Variants in NUP214 observed in about 807,000 individuals in gnomAD.
The protein encoded by NUP214 is nuclear pore complex protein Nup214.
NUP214 carries 79 observed loss-of-function variants against 196.2 expected under a neutral mutation model. The ratio of observed to expected loss-of-function variants is 0.40; its 90% CI spans 0.34 to 0.49. The LOEUF (loss-of-function observed/expected upper bound fraction) is 0.49. NUP214 is among the 20% of genes least tolerant of loss of function. NUP214 has a pLI of 0.58. For synonymous variants in NUP214, 1,020 were observed against 990.5 expected (o/e 1.03, Z -0.56); for missense variants, 2,468 against 2,539.0 (o/e 0.97, Z 0.60).
chr9:131,157,955 G>GTT (rs1156316074), intron 17 of NUP214, among the ~76,000 whole-genome samples: 1 of 152,160 alleles, frequency 6.6e-6, no homozygotes, highest in Non-Finnish European at 1.5e-5. Flanking sequence ...TCTAATTTTT[G>GTT]TATTTTTAGT....
intron 32 of NUP214, among the ~76,000 whole-genome samples, chr9:131,227,445 T>C (rs1306589478): frequency 6.6e-6 from 1 of 151,982 alleles, no homozygotes; most frequent in African/African-American, 2.4e-5. Flanking sequence ...TGTTTTTTCA[T>C]TGGGAAGTAA....
intron 32 of NUP214, 93 bp from the exon 33 acceptor site, chr9:131,228,067 T>G: frequency 7.9e-7 from 1 of 1,270,770 alleles, no homozygotes; most frequent in Non-Finnish European, 1.1e-6. Flanking sequence ...TTTCTTCCTA[T>G]TTTGATTTGG....
intron 32 of NUP214, among the ~76,000 whole-genome samples, chr9:131,223,699 C>CTTTTTT (rs59233291): frequency 3.0e-5 from 3 of 101,310 alleles, no homozygotes; most frequent in East Asian, 3.2e-4. Context: ...TCGCAAATCA[C>CTTTTTT]TTTTTTTTTA....
At chr9:131,188,898 T>G (rs1388397070) in intron 25 of NUP214, among the ~76,000 whole-genome samples, 155 bp from the exon 26 acceptor site, 1 of 152,202 alleles carries the variant, frequency 6.6e-6, no homozygotes, top group Non-Finnish European at 1.5e-5. Context: ...ATTGAGACCT[T>G]TTTTTTGTTT....
chr9:131,192,555 A>C lies in NUP214; in HGVS notation c.3659+263A>C, dbSNP rs1404723960. On this transcript the variant is annotated intron_variant, in intron 27 of 35. Coordinates refer to ENST00000359428, the MANE Select transcript of NUP214 (RefSeq NM_005085.4). ...GCCTAAGCCTCATTTTCTTTGAGTA[A>C]TGAGTCTGCTAAATTCTGTAGTTCA... 1.1e-5 allele frequency: 3 copies of C among 280,774 alleles called. 1 individual carries two copies. Among genetic ancestry groups the C allele is most frequent in the Non-Finnish European group, 2.0e-5 (3 of 151,850 alleles). 17.4% of individuals were successfully genotyped at this position (280,774 alleles called of 1,614,324 possible). A position where few individuals can be genotyped will look rare whatever the true frequency, so the allele number is the denominator to read the frequency against.
intron 32 of NUP214, 93 bp downstream of exon 32, chr9:131,223,023 T>A: frequency 7.9e-7 from 1 of 1,258,984 alleles, no homozygotes; most frequent in Non-Finnish European, 1.1e-6. Flanking sequence ...GTGGTTATCT[T>A]AAGAGAGTAG....
At chr9:131,218,580 G>T (rs374215631) in intron 31 of NUP214, among the ~76,000 whole-genome samples, 1 of 137,588 alleles carries the variant, frequency 7.3e-6, no homozygotes, top group South Asian at 2.6e-4. Context: ...ACCAACCCCC[G>T]CACTCCCCGC....
chr9:131,188,111 A>G (rs1833504725), intron 25 of NUP214, among the ~76,000 whole-genome samples: 1 of 152,148 alleles, frequency 6.6e-6, no homozygotes, highest in African/African-American at 2.4e-5. Context: ...CAGAGCTGGG[A>G]CCCAAGGCTT....
intron 30 of NUP214, among the ~76,000 whole-genome samples, chr9:131,202,327 C>T (rs1468465144): frequency 2.0e-5 from 3 of 152,102 alleles, no homozygotes; most frequent in Admixed American, 6.6e-5. Context: ...TGTTGTTTAA[C>T]TTCTTAATCT....
chr9:131,176,349 G>A (rs903256135), intron 23 of NUP214, among the ~76,000 whole-genome samples: 1 of 150,934 alleles, frequency 6.6e-6, no homozygotes, highest in South Asian at 2.1e-4. Flanking sequence ...TTTGAGACAG[G>A]GTCTCACTGT....
chr9:131,222,745 C>T (rs1834598209), intron 31 of NUP214, 33 bp from the exon 32 acceptor site: 1 of 1,600,312 alleles, frequency 6.2e-7, no homozygotes, highest in Non-Finnish European at 8.5e-7. Flanking sequence ...CATTTGTCTC[C>T]CTCTGACCTC....
Position 131,175,467 on chromosome 9 carries a change from A to C in NUP214, c.3165A>C (p.Thr1055=), listed in dbSNP as rs763688393. Residue 1055 remains threonine, a synonymous_variant, in exon 23 of 36, where the codon ACA becomes ACC. Transcript: ENST00000359428. ...TTTTTCTTTTCCTCTTAGTGGCTACATCTGCTAGCAAAATTATTCCTCAAG... is the reference window on the plus strand; with the variant it reads ...TTTTTCTTTTCCTCTTAGTGGCTACCTCTGCTAGCAAAATTATTCCTCAAG... ...SPGVMGTSVA[T]SASKIIPQGA... 4 of 1,614,028 alleles carry C rather than the reference A, an allele frequency of 2.5e-6. No homozygotes were observed. Among genetic ancestry groups the C allele is most frequent in the Admixed American group, 1.7e-5 (1 of 60,006 alleles).
intron 30 of NUP214, among the ~76,000 whole-genome samples, chr9:131,212,523 C>T (rs1347163108): frequency 6.6e-6 from 1 of 152,130 alleles, no homozygotes; most frequent in African/African-American, 2.4e-5. Context: ...GTGTTCTTTC[C>T]CTTTATTTCT....
intron 14 of NUP214, among the ~76,000 whole-genome samples, chr9:131,147,871 A>G (rs917476957): frequency 3.3e-5 from 5 of 152,368 alleles, no homozygotes; most frequent in South Asian, 2.1e-4. Flanking sequence ...GGTAACTAGC[A>G]TCCAGATCAA....
intron 11 of NUP214, chr9:131,141,814 A>G (rs1831925449): frequency 1.3e-5 from 2 of 152,176 alleles, no homozygotes; most frequent in Admixed American, 1.3e-4. Context: ...GCATTGTTTC[A>G]TATGTTGGAA....
chr9:131,155,457 G>C (rs372530323), intron 17 of NUP214, among the ~76,000 whole-genome samples: 1 of 152,174 alleles, frequency 6.6e-6, no homozygotes, highest in South Asian at 2.1e-4. Flanking sequence ...TTACTCTGCT[G>C]ATTATTTCTT....
At position 131,198,124 on chromosome 9, in the gene NUP214, G is replaced by T; in HGVS notation, c.4630G>T (p.Ala1544Ser). The T allele has an allele frequency of 2.5e-6, 4 of 1,614,140 alleles. No homozygotes were observed. The highest frequency in any genetic ancestry group is 3.4e-6 in the Non-Finnish European group (4 of 1,180,022). ...CTCTGTTAAAAAAGAACCTGTTCTT[G>T]CCCAGCCTGCAGTCAGCAACTCTGG... ...SDSVKKEPVL[A>S]QPAVSNSGTA... Residue 1544 changes from alanine (A) to serine (S), a missense_variant, in exon 29 of 36, where the codon GCC (alanine) becomes TCC (serine). Physicochemically the swap from Ala to Ser is moderately conservative, Grantham distance 99. Around this residue, in one of 5 missense-constraint regions of NUP214, gnomAD observed 1,801 missense variants for 1,779.4 expected, o/e 1.01. Transcript: ENST00000359428.
At chr9:131,182,262 T>G (rs775974957) in intron 24 of NUP214, among the ~76,000 whole-genome samples, 46 of 152,206 alleles carry the variant, frequency 3.0e-4, no homozygotes, top group Non-Finnish European at 6.2e-4. Context: ...TTCTTATAGA[T>G]TAGGGGTCCC....
intron 19 of NUP214, 146 bp downstream of exon 19, chr9:131,163,319 C>T (rs1832696484): frequency 4.2e-6 from 3 of 710,444 alleles, no homozygotes; most frequent in Non-Finnish European, 6.6e-6. Context: ...CCTCTCTGAT[C>T]CTTTGTTTCT....
Sources: gnomAD v4.1 joint callset for allele counts (sites outside exome capture counted in the v4.1 genomes callset) on GRCh38, gnomAD v4.1.1 for gene constraint, gnomAD v4.1.1 regional missense constraint, MANE v1.5 for transcripts, NCBI Gene and HGNC (gene_info 2026-07-23, HGNC 2026-07-21) for gene names.